Variants in PSG6 observed in about 807,000 individuals in gnomAD.
PSG6 encodes the protein pregnancy-specific beta-1-glycoprotein 6.
In PSG6, 51 loss-of-function variants were observed where a neutral mutation model predicts 43.3. The ratio of observed to expected loss-of-function variants is 1.18; its 90% confidence interval spans 0.94 to 1.49. The LOEUF (loss-of-function observed/expected upper bound fraction) is 1.49. Among genes scored for constraint, PSG6 ranks in the 40% most tolerant of loss-of-function variants. The probability of loss-of-function intolerance (pLI) is 0.00; values close to 1 mark genes in which losing one functional copy is unlikely to be tolerated. For missense variants in PSG6, 770 were observed against 522.2 expected (o/e 1.47, Z -4.62); for synonymous variants, 292 against 197.6 (o/e 1.48, Z -4.01).
intron 5 of PSG6, among the ~76,000 whole-genome samples, chr19:42,904,279 A>G (rs1318650802): frequency 3.3e-5 from 5 of 151,760 alleles, no homozygotes. Flanking sequence ...TATTCAACAT[A>G]GTAGTGAAAG....
intron 5 of PSG6, chr19:42,903,698 A>G (rs1600537557): frequency 2.0e-6 from 3 of 1,528,222 alleles, no homozygotes; most frequent in Admixed American, 2.1e-5. Context: ...GGACCAGCAT[A>G]GGTAACCTGG....
At chr19:42,916,750 C>T (rs1300270975) in intron 1 of PSG6, among the ~76,000 whole-genome samples, 1 of 151,086 alleles carries the variant, frequency 6.6e-6, no homozygotes, top group Non-Finnish European at 1.5e-5. Context: ...GTTTGCAATC[C>T]TCTTCCCCAG....
rs1346720283 is a variant in PSG6 at position 42,907,572 on chromosome 19, T to C, written c.985+4A>G. 3 of 1,611,242 alleles carry C rather than the reference T, an allele frequency of 1.9e-6. No individual in the cohort carries two copies. Among genetic ancestry groups the C allele is most frequent in the Admixed American group, 1.7e-5 (1 of 59,890 alleles). ...TGGCCCACAGAGGAACAAAGGATAC[T>C]CACAGAGGACATTCAGGGTGACTGG... is the stretch of plus-strand genomic sequence containing the variant. On this transcript the variant is annotated splice_donor_region_variant and intron_variant, in intron 4 of 5. Transcript: ENST00000187910.
intron 5 of PSG6, among the ~76,000 whole-genome samples, chr19:42,906,483 A>G (rs1045084404): frequency 1.3e-5 from 2 of 151,398 alleles, no homozygotes; most frequent in Non-Finnish European, 2.9e-5. Flanking sequence ...CCTCACCCAA[A>G]GGGCTTCCTC....
intron 2 of PSG6, among the ~76,000 whole-genome samples, chr19:42,911,537 G>A (rs1370333119): frequency 6.6e-6 from 1 of 151,784 alleles, no homozygotes; most frequent in Non-Finnish European, 1.5e-5. Context: ...AGAGTGAAAG[G>A]GACAGGCAAG....
rs1042603671 is a variant in PSG6, at chr19:42,905,239, T to C, written c.1240+1683A>G. 5.9e-5 allele frequency among the ~76,000 whole-genome samples: 9 copies of C among 151,768 alleles called. 1 individual carries two copies. The highest frequency in any genetic ancestry group is 9.7e-5 in the African/African-American group (4 of 41,342). ...TTTCTTGGTTGTAACAACAAAAGCA[T>C]AGGCAACAAATAAAATGGATAAATC... On this transcript the variant is annotated intron_variant, in intron 5 of 5. Transcript: ENST00000187910.
At chr19:42,903,598 ATGAAAATGGACTC>A (rs1307202066) in intron 5 of PSG6, 24 of 1,399,548 alleles carry the variant, frequency 1.7e-5, no homozygotes, top group Non-Finnish European at 2.2e-5. Flanking sequence ...CAAATCATAA[ATGAAAATGGACTC>A]TGAGCATGGT....
At chr19:42,910,338 C>T in intron 3 of PSG6, 1 of 1,034,364 alleles carries the variant, frequency 9.7e-7, no homozygotes, top group Non-Finnish European at 1.4e-6. Context: ...AGACATTCAC[C>T]TGTTTCTTCC....
chr19:42,912,185 T>G (rs1972240273), intron 2 of PSG6, among the ~76,000 whole-genome samples: 1 of 151,568 alleles, frequency 6.6e-6, no homozygotes, highest in South Asian at 2.1e-4. Flanking sequence ...AAGTGTTGAG[T>G]TTTGAGCATT....
chr19:42,907,440 A>T lies in PSG6; in HGVS notation c.985+136T>A. On this transcript the variant is annotated intron_variant, in intron 4 of 5. Transcript: ENST00000187910. ...GTGCCTACCCAGGATTTCCCAGGGC[A>T]GGGAGTCATGGCCAGGTCTGATGTC... The T allele has an allele frequency of 1.1e-5, 16 of 1,516,726 alleles. 1 individual carries two copies. Among genetic ancestry groups the T allele is most frequent in the Non-Finnish European group, 1.2e-5 (13 of 1,129,636 alleles). The allele number at this position is 1,516,726 out of a possible 1,614,324, so 94.0% of individuals were successfully genotyped here.
chr19:42,912,516 T>A (rs774670594), intron 2 of PSG6, among the ~76,000 whole-genome samples: 1 of 151,840 alleles, frequency 6.6e-6, no homozygotes, highest in Admixed American at 6.6e-5. Flanking sequence ...GAGAGAGTCC[T>A]GTTAAAAGGA....
intron 3 of PSG6, among the ~76,000 whole-genome samples, chr19:42,908,381 G>A (rs767112489): frequency 6.6e-6 from 1 of 151,750 alleles, no homozygotes; most frequent in Non-Finnish European, 1.5e-5. Context: ...ATAACACAGG[G>A]AAGACCAGAG....
At chr19:42,912,184 G>A (rs1464759129) in intron 2 of PSG6, among the ~76,000 whole-genome samples, 1 of 151,592 alleles carries the variant, frequency 6.6e-6, no homozygotes, top group Non-Finnish European at 1.5e-5. Flanking sequence ...GAAGTGTTGA[G>A]TTTTGAGCAT....
chr19:42,907,881 G>A (rs777497713), intron 3 of PSG6, 27 bp from the exon 4 acceptor site: 6 of 1,607,378 alleles, frequency 3.7e-6, no homozygotes, highest in Non-Finnish European at 4.3e-6. Context: ...AGATTGTCCT[G>A]TGTGGCACCT....
In PSG6 at chr19:42,914,770, A is replaced by AGT. The variant is rs1216933368; in HGVS notation, c.427+1353_427+1354dup. ...TTCATTTGTTATGTGAGAGCTCCTG[A>AGT]GTGTGTCTCTCTCACTGGGCCTGTG... On this transcript the variant is annotated intron_variant, in intron 2 of 5. Transcript: ENST00000187910. 8.6e-5 allele frequency among the ~76,000 whole-genome samples: 13 copies of AGT among 151,468 alleles called. 1 individual carries two copies. Among genetic ancestry groups the AGT allele is most frequent in the African/African-American group, 2.4e-4 (10 of 41,194 alleles).
In PSG6 at chr19:42,912,806, T is replaced by C. The variant is rs576611085; in HGVS notation, c.428-1948A>G. Among the ~76,000 whole-genome samples, 13 of 151,754 alleles carry C rather than the reference T, an allele frequency of 8.6e-5. 1 individual carries two copies. The South Asian group carries it at 2.3e-3, about 27-fold the overall frequency. ...TCCCCACACGAAGAACTCCAACTTA[T>C]GAAAACGGCATCATCATGAGGAAAT... is the stretch of plus-strand genomic sequence containing the variant. On this transcript the variant is annotated intron_variant, in intron 2 of 5. Coordinates refer to ENST00000187910, the MANE Select transcript of PSG6 (RefSeq NM_001031850.4).
At chr19:42,917,459 G>A (rs922906202) in intron 1 of PSG6, among the ~76,000 whole-genome samples, 1 of 148,734 alleles carries the variant, frequency 6.7e-6, no homozygotes, top group South Asian at 2.2e-4. Context: ...TGCCTCCTGG[G>A]TTCATGTGAT....
In PSG6 at chr19:42,915,913, G is replaced by A. The variant is rs904951810; in HGVS notation, c.427+212C>T. On this transcript the variant is annotated intron_variant, in intron 2 of 5. Coordinates refer to ENST00000187910, the MANE Select transcript of PSG6 (RefSeq NM_001031850.4). ...CCCATCAGACTGTCCTTCCTCTGCA[G>A]CGAGTGTCTGCAGGGTCTGGATGCG... The A allele has an allele frequency of 7.0e-6, 5 of 715,618 alleles. No homozygotes were observed. In the Admixed American group the frequency reaches 1.5e-4, roughly 22 times the overall value. The allele number at this position is 715,618 out of a possible 1,614,324, so 44.3% of individuals were successfully genotyped here.
intron 1 of PSG6, among the ~76,000 whole-genome samples, chr19:42,917,018 A>G (rs1238296641): frequency 6.6e-6 from 1 of 151,500 alleles, no homozygotes; most frequent in African/African-American, 2.4e-5. Flanking sequence ...CAGTGCCTGG[A>G]ACAGGATGCA....
Sources: gnomAD v4.1 joint callset for allele counts (sites outside exome capture counted in the v4.1 genomes callset) on GRCh38, gnomAD v4.1.1 for gene constraint, MANE v1.5 for transcripts, NCBI Gene and HGNC (gene_info 2026-07-23, HGNC 2026-07-21) for gene names.